OSTM1: variants seen among roughly 807,000 people sequenced by gnomAD.
OSTM1 encodes osteoclastogenesis associated transmembrane protein 1, also known as osteopetrosis-associated transmembrane protein 1.
In OSTM1, 26 loss-of-function variants were observed where a neutral mutation model predicts 35.4. The ratio of observed to expected loss-of-function variants is 0.73; its 90% CI spans 0.54 to 1.02. The LOEUF (loss-of-function observed/expected upper bound fraction) is 1.02, where lower values mean the gene tolerates loss of function less well. OSTM1 is among the 50% of genes least tolerant of loss of function. The pLI is 0.00. For synonymous variants in OSTM1, 181 were observed against 165.0 expected (o/e 1.10, Z -0.75); for missense variants, 366 against 409.6 (o/e 0.89, Z 0.92).
intron 1 of OSTM1, among the ~76,000 whole-genome samples, chr6:108,069,452 G>A (rs964048988): frequency 1.3e-5 from 2 of 152,024 alleles, no homozygotes; most frequent in Non-Finnish European, 2.9e-5. Flanking sequence ...CAAATGACTA[G>A]CACTTCACAA....
At chr6:108,059,991 A>G (rs1171998195) in intron 2 of OSTM1, among the ~76,000 whole-genome samples, 2 of 152,232 alleles carry the variant, frequency 1.3e-5, no homozygotes, top group East Asian at 3.8e-4. Context: ...ATACATATTA[A>G]ATGTATATGG....
chr6:108,058,660 C>G (rs1032664959), intron 2 of OSTM1, among the ~76,000 whole-genome samples: 1 of 152,190 alleles, frequency 6.6e-6, no homozygotes, highest in South Asian at 2.1e-4. Context: ...CACCTGTAGT[C>G]CCAGCTACTC....
At chr6:108,047,391 G>C (rs927420109) in intron 5 of OSTM1, among the ~76,000 whole-genome samples, 15 of 152,214 alleles carry the variant, frequency 9.9e-5, no homozygotes, top group Admixed American at 5.2e-4. Context: ...AGTTTAGAAA[G>C]GTGGCTATGG....
intron 2 of OSTM1, among the ~76,000 whole-genome samples, chr6:108,059,684 CCT>C (rs1772238626): frequency 1.3e-5 from 2 of 151,492 alleles, no homozygotes; most frequent in Admixed American, 6.6e-5. Context: ...TCTAATAGCC[CCT>C]GTTATGGTCT....
chr6:108,049,575 G>C (rs1325417430), intron 4 of OSTM1, 157 bp from the exon 5 acceptor site: 1 of 1,432,702 alleles, frequency 7.0e-7, no homozygotes, highest in Non-Finnish European at 9.1e-7. Context: ...CTTCTGCCAG[G>C]AAAAAAACCT....
At chr6:108,062,640 C>T (rs1172605761) in intron 2 of OSTM1, among the ~76,000 whole-genome samples, 1 of 151,196 alleles carries the variant, frequency 6.6e-6, no homozygotes, top group Admixed American at 6.6e-5. Context: ...CTTGACCTCC[C>T]ATCTCAGCCT....
chr6:108,050,911 T>C (rs1266652381), intron 4 of OSTM1, 120 bp downstream of exon 4: 26 of 848,618 alleles, frequency 3.1e-5, no homozygotes, highest in Non-Finnish European at 5.0e-5. Context: ...TTATAACTAG[T>C]TATTTTTGGT....
Position 108,054,495 on chromosome 6 carries a change from G to C in OSTM1, c.610C>G (p.Leu204Val), listed in dbSNP as rs1329630838. Residue 204 changes from leucine to valine, a missense_variant, in exon 3 of 6, where the codon CTT (leucine) becomes GTT (valine). Transcript: ENST00000193322. ...NHTLTCFEHN[L>V]QGNAHSLLQT... ...AAATATTATATATAAAATACCTGAA[G>C]GTTATGTTCAAAGCAGGTCAGGGTG... is the stretch of plus-strand genomic sequence containing the variant. The C allele has an allele frequency of 7.0e-7, 1 of 1,418,510 alleles. No homozygotes were observed. The highest frequency in any genetic ancestry group is 2.3e-5 in the East Asian group (1 of 43,594). 87.9% of individuals were successfully genotyped at this position (1,418,510 alleles called of 1,614,324 possible).
chr6:108,074,679 C>G lies in OSTM1; in HGVS notation c.-28G>C. On this transcript the variant is annotated 5_prime_UTR_variant, in exon 1 of 6. Coordinates refer to ENST00000193322, the MANE Select transcript of OSTM1 (RefSeq NM_014028.4). The stretch of plus-strand genomic sequence containing the variant: ...CCGGGCTCACACACCCCAGGGAGCC[C>G]ACCGCCGCCTCTCCGCCCCCAGCCG... 1.3e-6 allele frequency: 2 copies of G among 1,509,646 alleles called. No individual in the cohort carries two copies. The highest frequency in any genetic ancestry group is 2.4e-5 in the South Asian group (2 of 81,802). The allele number at this position is 1,509,646 out of a possible 1,614,324, so 93.5% of individuals were successfully genotyped here.
intron 2 of OSTM1, among the ~76,000 whole-genome samples, chr6:108,058,206 T>C (rs1026519455): frequency 6.6e-6 from 1 of 152,252 alleles, no homozygotes; most frequent in East Asian, 1.9e-4. Flanking sequence ...CAGAGAAACC[T>C]ACTAAATTAT....
intron 5 of OSTM1, among the ~76,000 whole-genome samples, chr6:108,048,328 T>C (rs1380887190): frequency 6.6e-6 from 1 of 152,222 alleles, no homozygotes; most frequent in Non-Finnish European, 1.5e-5. Context: ...TATTAAGGCA[T>C]AAGCCTGTAC....
intron 2 of OSTM1, among the ~76,000 whole-genome samples, chr6:108,061,737 C>CA (rs1772275167): frequency 6.6e-6 from 1 of 151,108 alleles, no homozygotes; most frequent in African/African-American, 2.4e-5. Flanking sequence ...TCTGTCTCTA[C>CA]AAAAAATGTT....
intron 3 of OSTM1, 30 bp downstream of exon 3, chr6:108,054,459 AT>A: frequency 1.0e-6 from 1 of 991,438 alleles, no homozygotes; most frequent in Admixed American, 1.8e-5. Flanking sequence ...ACAAGGCAGC[AT>A]TTTAATTTTA....
At chr6:108,070,776 G>T (rs1402760071) in intron 1 of OSTM1, among the ~76,000 whole-genome samples, 3 of 151,764 alleles carry the variant, frequency 2.0e-5, no homozygotes, top group Admixed American at 2.0e-4. Flanking sequence ...TGTAATCCCA[G>T]CTACTTGGGA....
In OSTM1 at chr6:108,049,410, G is replaced by A; in HGVS notation, c.792C>T (p.Ile264=). The A allele has an allele frequency of 1.2e-6, 2 of 1,613,408 alleles. No individual in the cohort carries two copies. Among genetic ancestry groups the A allele is most frequent in the Non-Finnish European group, 8.5e-7 (1 of 1,179,468 alleles). ...AAGTTCGACTCCATAGTTTTCGAGT[G>A]ATGTTCATCTGGAACAAGAGCAAAC... ...LCIDVEDAMN[I]TRKLWSRTFN... is the part of the protein sequence containing the mutation. The change falls in exon 5 of 6, where the codon ATC becomes ATT. Residue 264 remains isoleucine (I), a synonymous_variant. Transcript: ENST00000193322.
At chr6:108,056,634 G>A (rs1297302808) in intron 2 of OSTM1, among the ~76,000 whole-genome samples, 2 of 152,102 alleles carry the variant, frequency 1.3e-5, no homozygotes, top group Non-Finnish European at 2.9e-5. Flanking sequence ...AATTACAAAA[G>A]GTCATTCCTG....
At chr6:108,059,635 AT>A (rs1223564359) in intron 2 of OSTM1, among the ~76,000 whole-genome samples, 1 of 152,004 alleles carries the variant, frequency 6.6e-6, no homozygotes, top group African/African-American at 2.4e-5. Context: ...ATGTTTTTAC[AT>A]TTTTTTCTGT....
chr6:108,059,696 T>G (rs917434085), intron 2 of OSTM1, among the ~76,000 whole-genome samples: 1 of 152,214 alleles, frequency 6.6e-6, no homozygotes, highest in Non-Finnish European at 1.5e-5. Context: ...TGTTATGGTC[T>G]GAATGTGTCT....
chr6:108,051,316 G>C (rs745557560), intron 3 of OSTM1, 118 bp from the exon 4 acceptor site: 21 of 747,792 alleles, frequency 2.8e-5, no homozygotes, highest in Non-Finnish European at 4.7e-5. Context: ...AAAGTGCTAA[G>C]CTGTGATGTT....
Sources: allele counts gnomAD v4.1 joint callset (sites outside exome capture counted in the v4.1 genomes callset), GRCh38; gene constraint gnomAD v4.1.1; transcripts MANE v1.5; gene names NCBI Gene and HGNC (gene_info 2026-07-23, HGNC 2026-07-21).